The following KDM2B variants were observed in gnomAD, a reference collection of about 807,000 sequenced individuals.
KDM2B encodes the protein lysine demethylase 2B, also known as lysine-specific demethylase 2B.
Under a neutral mutation model 150.0 loss-of-function variants are expected in KDM2B, and 26 were observed. That is an observed-to-expected ratio of 0.17 (90% CI 0.13 to 0.24). KDM2B has a LOEUF of 0.24. Among genes scored for constraint, KDM2B ranks in the 10% least tolerant of loss-of-function variants. The pLI is 1.00. For synonymous variants in KDM2B, 734 were observed against 729.5 expected, an observed-to-expected ratio of 1.01 and a Z score of -0.10; for missense variants, 1,265 against 1,816.9, an observed-to-expected ratio of 0.70 and a Z score of 5.52.
At chr12:121,439,771 A>T in intron 22 of KDM2B, 86 bp downstream of exon 22, 2 of 965,076 alleles carry the variant, frequency 2.1e-6, no homozygotes, top group Non-Finnish European at 3.3e-6. Flanking sequence ...ACATAGCTGT[A>T]GACACACGAA....
Position 121,542,928 on chromosome 12 carries a change from T to C in KDM2B, c.683+5949A>G, listed in dbSNP as rs559032689. Among the ~76,000 whole-genome samples, 5 of 152,366 alleles carry C rather than the reference T, an allele frequency of 3.3e-5. No individual in the cohort carries two copies. The East Asian group carries it at 9.6e-4, about 29-fold the overall frequency. On this transcript the variant is annotated intron_variant, in intron 6 of 22. Transcript: ENST00000377071. ...GTCCACCCACTACTACATAGAATCA[T>C]GTCTTGCACATAAGATAACTAATAA...
At chr12:121,457,048 C>T (rs1262592818) in intron 12 of KDM2B, among the ~76,000 whole-genome samples, 5 of 152,140 alleles carry the variant, frequency 3.3e-5, no homozygotes, top group Admixed American at 6.5e-5. Context: ...AGACAGACCT[C>T]GGAGGCCTCC....
chr12:121,467,388 G>A lies in KDM2B; in HGVS notation c.1735-14044C>T. ...CTCGCACGCCCGCGCTGGAGGGGGC[G>A]GGGAGGGGCCGGCGGGGGAGGGCCG... On this transcript the variant is annotated intron_variant, in intron 12 of 22. Transcript: ENST00000377071. This position sits in a 1 kb window ranked among gnomAD's most constrained non-coding sequence, Gnocchi z 5.1. The A allele has an allele frequency of 2.0e-6, 2 of 975,892 alleles. No individual in the cohort carries two copies. The highest frequency in any genetic ancestry group is 5.3e-4 in the Middle Eastern group (1 of 1,898). 60.5% of individuals were successfully genotyped at this position (975,892 alleles called of 1,614,324 possible). A position where few individuals can be genotyped will look rare whatever the true frequency, so the allele number is the denominator to read the frequency against.
intron 12 of KDM2B, among the ~76,000 whole-genome samples, chr12:121,480,583 C>CAAAA (rs35490517): frequency 1.3e-3 from 85 of 63,150 alleles, no homozygotes; most frequent in Non-Finnish European, 2.1e-3. Flanking sequence ...CTGTCGCTAC[C>CAAAA]AAAAAAAAAA....
At chr12:121,528,289 T>C (rs1887326389) in intron 8 of KDM2B, among the ~76,000 whole-genome samples, 1 of 152,232 alleles carries the variant, frequency 6.6e-6, no homozygotes, top group Admixed American at 6.5e-5. Flanking sequence ...CCGGGCGCTA[T>C]GGCTTATGCC....
chr12:121,501,628 G>T (rs948718960), intron 11 of KDM2B, among the ~76,000 whole-genome samples: 2 of 151,868 alleles, frequency 1.3e-5, no homozygotes, highest in Admixed American at 6.6e-5. Flanking sequence ...TTTTTTGTTT[G>T]TTTGTTTTTT....
intron 6 of KDM2B, among the ~76,000 whole-genome samples, chr12:121,547,401 T>C (rs1250348446): frequency 1.3e-5 from 2 of 152,086 alleles, no homozygotes; most frequent in African/African-American, 4.8e-5. Context: ...AAGCAAAACC[T>C]TGAGAAGCCC....
intron 6 of KDM2B, among the ~76,000 whole-genome samples, chr12:121,535,132 G>A (rs894842943): frequency 2.8e-4 from 42 of 151,430 alleles, no homozygotes; most frequent in African/African-American, 9.5e-4. Context: ...TGAGAGAAAT[G>A]CATAAGAATG....
At chr12:121,534,390 C>CTTGGAGTTGGAGG in intron 7 of KDM2B, 107 bp downstream of exon 7, 1 of 777,148 alleles carries the variant, frequency 1.3e-6, no homozygotes, top group East Asian at 2.5e-5. Context: ...ACTCCTGGGG[C>CTTGGAGTTGGAGG]AGGGCTGGTT....
intron 11 of KDM2B, among the ~76,000 whole-genome samples, chr12:121,507,437 C>A (rs1162164359): frequency 6.6e-6 from 1 of 152,234 alleles, no homozygotes; most frequent in African/African-American, 2.4e-5. Context: ...CACCCAACAG[C>A]ACCAAGTCAT....
chr12:121,474,810 G>T (rs1431972662), intron 12 of KDM2B, among the ~76,000 whole-genome samples: 1 of 152,090 alleles, frequency 6.6e-6, no homozygotes, highest in Non-Finnish European at 1.5e-5. Context: ...ACATTAGCTG[G>T]GCGTGGTGGT....
At chr12:121,535,281 C>A (rs1005513547) in intron 6 of KDM2B, among the ~76,000 whole-genome samples, 2 of 151,484 alleles carry the variant, frequency 1.3e-5, no homozygotes, top group Non-Finnish European at 2.9e-5. Context: ...GTAAGCAATG[C>A]AGCTAGAAAA....
At chr12:121,418,128 CA>C in the KDM2B span, 1 of 557,570 alleles carries the variant, frequency 1.8e-6, no homozygotes. Flanking sequence ...TGAAGGGTCC[CA>C]AAATAGCTCA....
chr12:121,518,693 G>A lies in KDM2B; in HGVS notation c.1047+2292C>T, dbSNP rs1278528925. Among the ~76,000 whole-genome samples the A allele has an allele frequency of 6.6e-6, 1 of 152,230 alleles. No homozygotes were observed. Among genetic ancestry groups the A allele is most frequent in the Non-Finnish European group, 1.5e-5 (1 of 68,034 alleles). ...GAGTTTACAATTGAATTCCCAGGGG[G>A]ACGGGGTGGTTGTCCAGCAAGTAGC... On this transcript the variant is annotated intron_variant, in intron 9 of 22. Coordinates refer to ENST00000377071, the MANE Select transcript of KDM2B (RefSeq NM_032590.5). This position sits in a 1 kb window ranked among gnomAD's most constrained non-coding sequence, Gnocchi z 4.4.
chr12:121,518,200 C>T lies in KDM2B; in HGVS notation c.1047+2785G>A, dbSNP rs1455347924. Reference sequence around the variant, plus strand: ...GAGTCACCATGCCCAGCCTATAAAACAGTATTTTTAAATGGCCATAACCTT... The same window carrying T: ...GAGTCACCATGCCCAGCCTATAAAATAGTATTTTTAAATGGCCATAACCTT... On this transcript the variant is annotated intron_variant, in intron 9 of 22. Coordinates refer to ENST00000377071, the MANE Select transcript of KDM2B (RefSeq NM_032590.5). The surrounding 1 kb of genome is among the most constrained non-coding windows in gnomAD (Gnocchi z 4.4). Among the ~76,000 whole-genome samples, 2 of 152,098 alleles carry T rather than the reference C, an allele frequency of 1.3e-5. No individual in the cohort carries two copies. Among genetic ancestry groups the T allele is most frequent in the Non-Finnish European group, 2.9e-5 (2 of 68,026 alleles).
intron 12 of KDM2B, among the ~76,000 whole-genome samples, chr12:121,485,324 T>C (rs1555298666): frequency 6.6e-6 from 1 of 152,130 alleles, no homozygotes; most frequent in East Asian, 1.9e-4. Context: ...AAAATCATTC[T>C]GTGATCGGGT....
chr12:121,508,666 A>T (rs1555303332), intron 11 of KDM2B, among the ~76,000 whole-genome samples: 1 of 152,186 alleles, frequency 6.6e-6, no homozygotes, highest in Non-Finnish European at 1.5e-5. Context: ...GAAGCTCTGC[A>T]GTCACCCCCG....
chr12:121,440,032 C>A lies in KDM2B; in HGVS notation c.3654G>T (p.Leu1218=). 1 of 1,613,298 alleles carries A rather than the reference C, an allele frequency of 6.2e-7. No individual in the cohort carries two copies. The highest frequency in any genetic ancestry group is 8.5e-7 in the Non-Finnish European group (1 of 1,179,770). ...CTGTGATGTCCAGGCCTGCCAGGCG[C>A]AGCTCCACGATGTTCCGGAGCTTGC... ...NRSKLRNIVE[L]RLAGLDITDA... is the part of the protein sequence containing the mutation. Residue 1218 remains leucine, a synonymous_variant, in exon 22 of 23, where the codon CTG becomes CTT. Coordinates refer to ENST00000377071, the MANE Select transcript of KDM2B (RefSeq NM_032590.5).
intron 12 of KDM2B, among the ~76,000 whole-genome samples, chr12:121,489,472 C>T (rs761081629): frequency 2.6e-5 from 4 of 151,938 alleles, no homozygotes; most frequent in Admixed American, 2.6e-4. Flanking sequence ...CCAAGACTCA[C>T]TCTGTCACCC....
Sources: gnomAD v4.1 joint callset for allele counts (sites outside exome capture counted in the v4.1 genomes callset) on GRCh38, gnomAD v4.1.1 for gene constraint, Gnocchi (gnomAD v3.1) non-coding constraint, MANE v1.5 for transcripts, NCBI Gene and HGNC (gene_info 2026-07-23, HGNC 2026-07-21) for gene names.